Variants in QTMAN observed in about 807,000 individuals in gnomAD.
QTMAN encodes tRNA-queuosine alpha-mannosyltransferase.
the QTMAN span, among the ~76,000 whole-genome samples, chr2:144,103,915 C>A: frequency 6.6e-6 from 1 of 152,000 alleles, no homozygotes; most frequent in Non-Finnish European, 1.5e-5. Flanking sequence ...CATGGCAAAA[C>A]CCTGTCTCTA....
the QTMAN span, among the ~76,000 whole-genome samples, chr2:144,034,934 A>C: frequency 6.6e-6 from 1 of 152,242 alleles, no homozygotes; most frequent in African/African-American, 2.4e-5. Flanking sequence ...AAACTTAACC[A>C]TCTTGATGTA....
the QTMAN span, among the ~76,000 whole-genome samples, chr2:144,163,160 A>G: frequency 6.6e-6 from 1 of 152,178 alleles, no homozygotes; most frequent in Non-Finnish European, 1.5e-5. Flanking sequence ...CTATTATTAA[A>G]GCAATGTAAG....
chr2:144,302,888 G>A, the QTMAN span, among the ~76,000 whole-genome samples: 3 of 152,170 alleles, frequency 2.0e-5, no homozygotes, highest in Non-Finnish European at 4.4e-5. Context: ...GATCACTTGA[G>A]GTCAGGAGTT....
chr2:144,140,882 T>A, the QTMAN span, among the ~76,000 whole-genome samples: 1 of 152,010 alleles, frequency 6.6e-6, no homozygotes, highest in African/African-American at 2.4e-5. Context: ...ACTAACTTGA[T>A]TTTGTATGGG....
At chr2:144,069,321 A>G in the QTMAN span, among the ~76,000 whole-genome samples, 20 of 151,790 alleles carry the variant, frequency 1.3e-4, no homozygotes, top group African/African-American at 4.8e-4. Flanking sequence ...AAACACCTAC[A>G]ACTTCCTTCT....
the QTMAN span, among the ~76,000 whole-genome samples, chr2:144,122,775 T>C: frequency 6.6e-6 from 1 of 152,210 alleles, no homozygotes; most frequent in East Asian, 1.9e-4. Flanking sequence ...CTTAAAGATG[T>C]ATTGATATCT....
chr2:144,140,306 C>T, the QTMAN span, among the ~76,000 whole-genome samples: 5 of 151,852 alleles, frequency 3.3e-5, no homozygotes, highest in Admixed American at 6.6e-5. Flanking sequence ...AGAAATACAT[C>T]GGATGTAAAT....
At chr2:144,331,033 A>G in the QTMAN span, among the ~76,000 whole-genome samples, 1 of 152,246 alleles carries the variant, frequency 6.6e-6, no homozygotes, top group African/African-American at 2.4e-5. Flanking sequence ...TATTGCAAGT[A>G]TCATGCTTCA....
At chr2:144,109,471 A>G in the QTMAN span, among the ~76,000 whole-genome samples, 13 of 152,346 alleles carry the variant, frequency 8.5e-5, no homozygotes, top group South Asian at 2.7e-3. Flanking sequence ...AATACCATTC[A>G]GGACATAGGC....
the QTMAN span, among the ~76,000 whole-genome samples, chr2:144,125,142 G>C: frequency 6.6e-6 from 1 of 151,906 alleles, no homozygotes; most frequent in African/African-American, 2.4e-5. Context: ...TAGAATCCTC[G>C]ACAAGCTCCA....
chr2:144,229,468 C>T, the QTMAN span, among the ~76,000 whole-genome samples: 1 of 152,194 alleles, frequency 6.6e-6, no homozygotes, highest in Middle Eastern at 3.4e-3. Context: ...CTTTTTATCC[C>T]CCAGTTTGGT....
the QTMAN span, among the ~76,000 whole-genome samples, chr2:144,286,627 T>C: frequency 1.3e-5 from 2 of 152,226 alleles, no homozygotes; most frequent in African/African-American, 2.4e-5. Context: ...GACAAAGTCA[T>C]GGCATCTATG....
chr2:144,104,099 A>G, the QTMAN span, among the ~76,000 whole-genome samples: 1 of 152,154 alleles, frequency 6.6e-6, no homozygotes, highest in Non-Finnish European at 1.5e-5. Context: ...CAAAAAATAA[A>G]TAAATAAAGC....
chr2:143,987,264 C>G, the QTMAN span, among the ~76,000 whole-genome samples: 1 of 152,164 alleles, frequency 6.6e-6, no homozygotes, highest in African/African-American at 2.4e-5. Context: ...TCATGTACAC[C>G]AGACTATTCA....
At chr2:144,105,189 T>G in the QTMAN span, among the ~76,000 whole-genome samples, 3 of 151,504 alleles carry the variant, frequency 2.0e-5, no homozygotes, top group African/African-American at 7.3e-5. Context: ...ATTCTAAAAA[T>G]CAGAGCGCCT....
the QTMAN span, among the ~76,000 whole-genome samples, chr2:144,057,618 C>A: frequency 2.0e-5 from 3 of 152,140 alleles, no homozygotes; most frequent in Middle Eastern, 3.2e-3. Flanking sequence ...TAGTGGGTTT[C>A]TTCTAATCAT....
At chr2:144,000,832 AAC>A in the QTMAN span, among the ~76,000 whole-genome samples, 3 of 151,976 alleles carry the variant, frequency 2.0e-5, no homozygotes, top group African/African-American at 7.2e-5. Context: ...CTCTTAGAAA[AAC>A]AGATTTACAC....
chr2:144,108,380 C>T, the QTMAN span, among the ~76,000 whole-genome samples: 1 of 152,186 alleles, frequency 6.6e-6, no homozygotes, highest in Non-Finnish European at 1.5e-5. Context: ...TTGCTCATGC[C>T]TGTAATCCCA....
At chr2:144,229,561 G>A in the QTMAN span, among the ~76,000 whole-genome samples, 2 of 152,146 alleles carry the variant, frequency 1.3e-5, no homozygotes, top group Admixed American at 1.3e-4. Flanking sequence ...TACTTTGGAG[G>A]GAAGGAGAGT....
Sources: allele counts gnomAD v4.1 joint callset (sites outside exome capture counted in the v4.1 genomes callset), GRCh38; gene constraint gnomAD v4.1.1; transcripts MANE v1.5; gene names NCBI Gene and HGNC (gene_info 2026-07-23, HGNC 2026-07-21).